RAMAC: variants seen among roughly 807,000 people sequenced by gnomAD.
RAMAC encodes the protein RNA guanine-N7 methyltransferase activating subunit.
A neutral mutation model predicts 17.9 loss-of-function variants in RAMAC; 11 were observed. The observed-to-expected ratio is 0.61, with a 90% CI of 0.39 to 1.02. RAMAC has a LOEUF of 1.02. RAMAC is among the 50% of genes least tolerant of loss of function. RAMAC has a pLI of 0.01. For synonymous variants in RAMAC, 27 were observed against 48.4 expected (o/e 0.56, Z 1.84); for missense variants, 109 against 144.0 (o/e 0.76, Z 1.25).
At chr15:82,988,512 C>A (rs2030720527) in intron 2 of RAMAC, 1 of 224,476 alleles carries the variant, frequency 4.5e-6, no homozygotes, top group South Asian at 4.3e-5. Flanking sequence ...TCTTTTTGTC[C>A]CAAACCTTTT....
At chr15:82,986,544 A>G (rs1385739504) in intron 1 of RAMAC, among the ~76,000 whole-genome samples, 175 bp downstream of exon 1, 1 of 152,170 alleles carries the variant, frequency 6.6e-6, no homozygotes, top group Non-Finnish European at 1.5e-5. Flanking sequence ...GGAAGGGAGC[A>G]AATCTGCCAG....
In RAMAC at chr15:82,989,216, T is replaced by G. The variant is rs180891852; in HGVS notation, c.170+28T>G. 289 of 1,607,112 alleles carry G rather than the reference T, an allele frequency of 1.8e-4. No homozygotes were observed. The African/African-American group carries it at 3.6e-3, about 20-fold the overall frequency. On this transcript the variant is annotated intron_variant, in intron 3 of 3. Transcript: ENST00000304191. ...GTGTATTCAAAAGAATAAATGCAGA[T>G]AGTTGATCTGGCAGAGGATAGCTTT...
At chr15:82,986,758 C>G (rs2030629761) in intron 1 of RAMAC, among the ~76,000 whole-genome samples, 1 of 152,150 alleles carries the variant, frequency 6.6e-6, no homozygotes, top group Non-Finnish European at 1.5e-5. Flanking sequence ...TATTCAAGTA[C>G]AAATCTGAAA....
At chr15:82,987,895 C>T (rs1439800734) in intron 2 of RAMAC, among the ~76,000 whole-genome samples, 5 of 151,690 alleles carry the variant, frequency 3.3e-5, no homozygotes, top group African/African-American at 9.7e-5. Flanking sequence ...CAAAAATTAG[C>T]GAGCGGGCGT....
rs1241476980 is a variant in RAMAC, at chr15:82,990,542, G to A, written c.*475G>A. The A allele has an allele frequency of 1.2e-5, 9 of 765,758 alleles. No individual in the cohort carries two copies. Among genetic ancestry groups the A allele is most frequent in the Non-Finnish European group, 1.8e-5 (9 of 494,262 alleles). The allele number at this position is 765,758 out of a possible 1,614,324, so 47.4% of individuals were successfully genotyped here. ...TCAGCAGTTGAAAGGTAAAACAATT[G>A]CTTTTTTTTTTTTTTGCATTTGTTA... On this transcript the variant is annotated 3_prime_UTR_variant, in exon 4 of 4. Coordinates refer to ENST00000304191, the MANE Select transcript of RAMAC (RefSeq NM_031452.4).
At chr15:82,987,605 A>G (rs2030670394) in intron 2 of RAMAC, among the ~76,000 whole-genome samples, 1 of 152,206 alleles carries the variant, frequency 6.6e-6, no homozygotes, top group African/African-American at 2.4e-5. Flanking sequence ...CTAGAATTCT[A>G]GACATGATTT....
Position 82,989,090 on chromosome 15 carries a change from G to T in RAMAC, c.72G>T (p.Lys24Asn), listed in dbSNP as rs755924435. 27 of 1,613,596 alleles carry T rather than the reference G, an allele frequency of 1.7e-5. No homozygotes were observed. Among genetic ancestry groups the T allele is most frequent in the Non-Finnish European group, 2.0e-5 (24 of 1,179,810 alleles). ...CTAGTAGATTCACAGAAAATGACAA[G>T]GAGTATCAGGAATACCTGAAACGCC... ...MFASRFTEND[K>N]EYQEYLKRPP... Residue 24 changes from lysine (K) to asparagine (N), a missense_variant, in exon 3 of 4, where the codon AAG becomes AAT. Physicochemically the swap from Lys to Asn is moderately conservative, Grantham distance 94. Coordinates refer to ENST00000304191, the MANE Select transcript of RAMAC (RefSeq NM_031452.4).
At chr15:82,988,652 G>C (rs1384662930) in intron 2 of RAMAC, 1 of 432,434 alleles carries the variant, frequency 2.3e-6, no homozygotes, top group African/African-American at 2.1e-5. Context: ...AGGCAACATG[G>C]CGAGATCCCG....
intron 3 of RAMAC, 66 bp downstream of exon 3, chr15:82,989,254 T>C: frequency 6.4e-7 from 1 of 1,550,760 alleles, no homozygotes; most frequent in East Asian, 2.3e-5. Context: ...TCTGCTAGAC[T>C]GGAAGGCCAG....
At chr15:82,988,757 C>T (rs548227752) in intron 2 of RAMAC, 3 of 472,342 alleles carry the variant, frequency 6.4e-6, no homozygotes, top group Non-Finnish European at 1.2e-5. Flanking sequence ...TTGTTTGAGC[C>T]AGGGAAGTCA....
intron 1 of RAMAC, among the ~76,000 whole-genome samples, chr15:82,987,118 C>CGT (rs1226153579): frequency 2.6e-5 from 4 of 152,194 alleles, no homozygotes; most frequent in South Asian, 4.2e-4. Flanking sequence ...GAGGTTTCAC[C>CGT]GTGTTAGCCA....
intron 2 of RAMAC, 55 bp from the exon 3 acceptor site, chr15:82,988,953 GGA>G (rs2030740774): frequency 2.0e-6 from 3 of 1,483,724 alleles, no homozygotes; most frequent in South Asian, 1.4e-5. Context: ...TTCATTATTT[GGA>G]GAGAGTGTTA....
At chr15:82,988,816 A>C (rs527609757) in intron 2 of RAMAC, 194 bp from the exon 3 acceptor site, 22 of 526,404 alleles carry the variant, frequency 4.2e-5, no homozygotes, top group South Asian at 4.1e-4. Flanking sequence ...CCTGGGTGAC[A>C]AAGTGAGAGA....
At chr15:82,988,830 T>C (rs2030736915) in intron 2 of RAMAC, 180 bp from the exon 3 acceptor site, 8 of 571,478 alleles carry the variant, frequency 1.4e-5, no homozygotes, top group Non-Finnish European at 2.4e-5. Context: ...TGAGAGACCC[T>C]GTCTCAAAAA....
chr15:82,986,989 A>G (rs2030645079), intron 1 of RAMAC, among the ~76,000 whole-genome samples: 1 of 151,742 alleles, frequency 6.6e-6, no homozygotes, highest in South Asian at 2.1e-4. Context: ...GCTGGAGTGC[A>G]GTGGCGCGAT....
rs2030831348 is a variant in RAMAC, at chr15:82,990,894, A to G, written c.*827A>G. ...TAATGTGGGCTGATTTTACAATGTT[A>G]TATTCACTTCCAGATGCATACCTCT... On this transcript the variant is annotated 3_prime_UTR_variant, in exon 4 of 4. Coordinates refer to ENST00000304191, the MANE Select transcript of RAMAC (RefSeq NM_031452.4). 2.3e-6 allele frequency: 1 copy of G among 436,150 alleles called. No homozygotes were observed. The highest frequency in any genetic ancestry group is 4.1e-6 in the Non-Finnish European group (1 of 242,892). 27.0% of individuals were successfully genotyped at this position (436,150 alleles called of 1,614,324 possible). A position where few individuals can be genotyped will look rare whatever the true frequency, so the allele number is the denominator to read the frequency against.
intron 2 of RAMAC, among the ~76,000 whole-genome samples, chr15:82,987,859 A>G (rs572210237): frequency 4.8e-4 from 72 of 151,558 alleles, no homozygotes; most frequent in South Asian, 1.0e-3. Context: ...GGCCAACATG[A>G]TGAAACCCTG....
chr15:82,988,882 T>A, intron 2 of RAMAC, 128 bp from the exon 3 acceptor site: 1 of 788,762 alleles, frequency 1.3e-6, no homozygotes, highest in South Asian at 1.9e-5. Flanking sequence ...ATATGACATG[T>A]CTGAAAGCAC....
rs1247375078 is a variant in RAMAC, at chr15:82,986,281, T to G, written c.-147T>G. 5.9e-6 allele frequency: 1 copy of G among 170,902 alleles called. No individual in the cohort carries two copies. Among genetic ancestry groups the G allele is most frequent in the Non-Finnish European group, 1.2e-5 (1 of 85,238 alleles). 10.6% of individuals were successfully genotyped at this position (170,902 alleles called of 1,614,324 possible). A position where few individuals can be genotyped will look rare whatever the true frequency, so the allele number is the denominator to read the frequency against. On this transcript the variant is annotated 5_prime_UTR_variant, in exon 1 of 4. Coordinates refer to ENST00000304191, the MANE Select transcript of RAMAC (RefSeq NM_031452.4). ...ACTGGAGTGGTCTGGAGTTCCACGG[T>G]GTAGTGGACCAGAGGCCACCTCTCC...
Sources: gnomAD v4.1 joint callset for allele counts (sites outside exome capture counted in the v4.1 genomes callset) on GRCh38, gnomAD v4.1.1 for gene constraint, MANE v1.5 for transcripts, NCBI Gene and HGNC (gene_info 2026-07-23, HGNC 2026-07-21) for gene names.